PLCB1: variants seen among roughly 807,000 people sequenced by gnomAD.
PLCB1 encodes the protein phospholipase C beta 1.
Under a neutral mutation model 161.8 loss-of-function variants are expected in PLCB1, and 46 were observed. The ratio of observed to expected loss-of-function variants is 0.28; its 90% confidence interval spans 0.22 to 0.36. The LOEUF (loss-of-function observed/expected upper bound fraction) is 0.36, where lower values mean the gene tolerates loss of function less well. Ranked by LOEUF, PLCB1 falls within the 10% of genes least tolerant of loss-of-function variation. The pLI is 1.00. For missense variants in PLCB1, 1,016 were observed against 1,472.5 expected (o/e 0.69, Z 5.07); for synonymous variants, 517 against 503.7 (o/e 1.03, Z -0.35).
chr20:8,605,641 T>A (rs1987736162), intron 3 of PLCB1, among the ~76,000 whole-genome samples: 1 of 150,068 alleles, frequency 6.7e-6, no homozygotes, highest in South Asian at 2.1e-4. Flanking sequence ...AGAAAAAAGC[T>A]CTCATTCTTT....
At chr20:8,646,777 A>G (rs1381910439) in intron 5 of PLCB1, among the ~76,000 whole-genome samples, 1 of 152,232 alleles carries the variant, frequency 6.6e-6, no homozygotes, top group Non-Finnish European at 1.5e-5. Context: ...CAGCCCTTCT[A>G]AAAATTGTTT....
At position 8,137,117 on chromosome 20, in the gene PLCB1, C is replaced by T. The variant is rs569813848; in HGVS notation, c.99+4367C>T. The stretch of plus-strand genomic sequence containing the variant: ...AGTAACTCCCTCCTTTACCACACCT[C>T]CAACCCCCACAGCTAAAACAGGTAA... On this transcript the variant is annotated intron_variant, in intron 1 of 31. Transcript: ENST00000338037. Among the ~76,000 whole-genome samples the T allele has an allele frequency of 7.9e-5, 12 of 152,266 alleles. No homozygotes were observed. In the South Asian group the frequency reaches 1.7e-3, roughly 21 times the overall value.
At chr20:8,787,609 A>AAGGTTCTCC (rs1314068540) in intron 27 of PLCB1, among the ~76,000 whole-genome samples, 1 of 152,240 alleles carries the variant, frequency 6.6e-6, no homozygotes, top group Non-Finnish European at 1.5e-5. Flanking sequence ...AACCTTGCAG[A>AAGGTTCTCC]AGGTTCTCCA....
intron 3 of PLCB1, among the ~76,000 whole-genome samples, chr20:8,480,753 A>G (rs534295310): frequency 6.6e-6 from 1 of 152,216 alleles, no homozygotes; most frequent in Non-Finnish European, 1.5e-5. Flanking sequence ...ACATGGTGTT[A>G]TAAGCAGACT....
intron 2 of PLCB1, among the ~76,000 whole-genome samples, chr20:8,354,900 G>C (rs532277763): frequency 6.6e-6 from 1 of 152,238 alleles, no homozygotes; most frequent in South Asian, 2.1e-4. Flanking sequence ...TTTCAGTAAG[G>C]CTGTAACGTT....
chr20:8,495,343 C>CT (rs1600106690), intron 3 of PLCB1, among the ~76,000 whole-genome samples: 1 of 147,614 alleles, frequency 6.8e-6, no homozygotes, highest in Non-Finnish European at 1.5e-5. Context: ...AGACTCTGTA[C>CT]TTTGAGTTCA....
At chr20:8,850,713 T>C (rs1986856327) in intron 31 of PLCB1, among the ~76,000 whole-genome samples, 1 of 152,194 alleles carries the variant, frequency 6.6e-6, no homozygotes, top group South Asian at 2.1e-4. Context: ...AGCAAAAAGG[T>C]ATCATCTTGG....
intron 4 of PLCB1, among the ~76,000 whole-genome samples, chr20:8,633,056 G>A (rs982381767): frequency 3.3e-5 from 5 of 150,066 alleles, no homozygotes; most frequent in Non-Finnish European, 7.4e-5. Flanking sequence ...TTAGACCAAC[G>A]TGGAATGTGG....
At chr20:8,370,930 CA>C (rs1290874226) in intron 2 of PLCB1, 1 of 156,772 alleles carries the variant, frequency 6.4e-6, no homozygotes, top group Non-Finnish European at 1.4e-5. Context: ...TGGGGGCTGT[CA>C]GAGGCAGATT....
At chr20:8,499,024 A>G (rs1983295079) in intron 3 of PLCB1, among the ~76,000 whole-genome samples, 1 of 152,140 alleles carries the variant, frequency 6.6e-6, no homozygotes, top group Non-Finnish European at 1.5e-5. Flanking sequence ...TTCCTGTACC[A>G]CTTGTCAAGG....
chr20:8,324,438 G>A (rs1985061661), intron 2 of PLCB1, among the ~76,000 whole-genome samples: 2 of 152,162 alleles, frequency 1.3e-5, no homozygotes, highest in South Asian at 4.1e-4. Flanking sequence ...ATCATATTAG[G>A]CAATAATCAC....
At chr20:8,568,882 G>T (rs780285671) in intron 3 of PLCB1, among the ~76,000 whole-genome samples, 1 of 152,170 alleles carries the variant, frequency 6.6e-6, no homozygotes, top group Non-Finnish European at 1.5e-5. Flanking sequence ...AGAAGGAAAG[G>T]CAGCAAGGCA....
chr20:8,370,466 A>C (rs910235300), intron 2 of PLCB1, among the ~76,000 whole-genome samples: 2 of 152,038 alleles, frequency 1.3e-5, no homozygotes, highest in East Asian at 3.9e-4. Context: ...ATGCTTCTCT[A>C]TCCTTCTCCC....
intron 3 of PLCB1, among the ~76,000 whole-genome samples, chr20:8,614,536 T>A (rs918988702): frequency 5.3e-5 from 8 of 151,932 alleles, no homozygotes; most frequent in Admixed American, 1.3e-4. Context: ...CAGTAAGCAG[T>A]CAAGTTACAA....
rs1370977118 is a variant in PLCB1, at chr20:8,733,623, A to T, written c.2043+231A>T. ...ATGCACACGGGAAGGGGAACATCAC[A>T]CTCTGGGGACTGTTGTGGGGTGGGG... is the stretch of plus-strand genomic sequence containing the variant. On this transcript the variant is annotated intron_variant, in intron 19 of 31. Transcript: ENST00000338037. Among the ~76,000 whole-genome samples, 5 of 146,154 alleles carry T rather than the reference A, an allele frequency of 3.4e-5. No individual in the cohort carries two copies. The East Asian group carries it at 1.0e-3, about 29-fold the overall frequency.
Position 8,757,172 on chromosome 20 carries a change from G to C in PLCB1, c.2650G>C (p.Ala884Pro). ...PPSQALHSQPAPGSVKAPAKT... is the reference protein window; with the variant it reads ...PPSQALHSQPPPGSVKAPAKT... Reference sequence around the variant, plus strand: ...CTCCCAGGCTCTCCACAGCCAGCCAGCTCCAGGTAAGCCATCTGGAAAGAG... The same window carrying C: ...CTCCCAGGCTCTCCACAGCCAGCCACCTCCAGGTAAGCCATCTGGAAAGAG... Residue 884 changes from alanine (A) to proline (P), a missense_variant, in exon 24 of 32, where the codon GCT (alanine) becomes CCT (proline). Around this residue, in one of 10 missense-constraint regions of PLCB1, gnomAD observed 398 missense variants for 445.4 expected, o/e 0.89. Coordinates refer to ENST00000338037, the MANE Select transcript of PLCB1 (RefSeq NM_015192.4). The C allele has an allele frequency of 6.2e-7, 1 of 1,609,216 alleles. No homozygotes were observed. The highest frequency in any genetic ancestry group is 8.5e-7 in the Non-Finnish European group (1 of 1,178,050).
At chr20:8,313,571 C>G (rs1984506455) in intron 2 of PLCB1, among the ~76,000 whole-genome samples, 1 of 152,144 alleles carries the variant, frequency 6.6e-6, no homozygotes, top group Non-Finnish European at 1.5e-5. Flanking sequence ...CTGGGAGGAG[C>G]AAAGAATTGG....
intron 1 of PLCB1, among the ~76,000 whole-genome samples, chr20:8,140,297 A>C (rs2051389605): frequency 6.6e-6 from 1 of 152,190 alleles, no homozygotes; most frequent in East Asian, 1.9e-4. Context: ...CTTTATATTA[A>C]GTCCCTTTAT....
chr20:8,757,310 C>T (rs375076840), intron 24 of PLCB1, 132 bp downstream of exon 24: 67 of 827,188 alleles, frequency 8.1e-5, no homozygotes, highest in African/African-American at 6.9e-4. Context: ...GGAGGAGCTC[C>T]GTCAATGTGC....
Sources: allele counts gnomAD v4.1 joint callset (sites outside exome capture counted in the v4.1 genomes callset), GRCh38; gene constraint gnomAD v4.1.1; regional missense constraint gnomAD v4.1.1; transcripts MANE v1.5; gene names NCBI Gene and HGNC (gene_info 2026-07-23, HGNC 2026-07-21).